The following CCN6 variants were observed in gnomAD, a reference collection of about 807,000 sequenced individuals.
CCN6 encodes CCN family member 6.
A neutral mutation model predicts 37.4 loss-of-function variants in CCN6; 31 were observed. The ratio of observed to expected loss-of-function variants is 0.83; its 90% CI spans 0.62 to 1.12. CCN6 has a LOEUF of 1.12. Among genes scored for constraint, CCN6 ranks in the 50% most tolerant of loss-of-function variants. The pLI is 0.00. For missense variants in CCN6, 369 were observed against 413.8 expected (o/e 0.89, Z 0.94); for synonymous variants, 137 against 142.1 (o/e 0.96, Z 0.26).
In CCN6 at chr6:112,069,548, G is replaced by T; in HGVS notation, c.993G>T (p.Trp331Cys). ...GGTCATTTAAATGGAAGATGCTGTGGATTACATCTTGTGTGTGTCAGAGAA... is the reference window on the plus strand; with the variant it reads ...GGTCATTTAAATGGAAGATGCTGTGTATTACATCTTGTGTGTGTCAGAGAA... ...NEGSFKWKMLWITSCVCQRNC... is the reference protein window; with the variant it reads ...NEGSFKWKMLCITSCVCQRNC... Residue 331 changes from tryptophan to cysteine, a missense_variant, in exon 5 of 5, where the codon TGG becomes TGT. Transcript: ENST00000368666. 6.2e-7 allele frequency: 1 copy of T among 1,613,658 alleles called. No individual in the cohort carries two copies. The highest frequency in any genetic ancestry group is 8.5e-7 in the Non-Finnish European group (1 of 1,179,764).
In CCN6 at chr6:112,054,226, A is replaced by C; in HGVS notation, c.-132A>C. On this transcript the variant is annotated 5_prime_UTR_variant, in exon 1 of 5. Coordinates refer to ENST00000368666, the MANE Select transcript of CCN6 (RefSeq NM_198239.2). The stretch of plus-strand genomic sequence containing the variant: ...GCAGGCTGAAAGTTGGTAGTGTGGG[A>C]GGTAGAGGGTGTGTGTTCTTGTGCA... 4 of 1,195,538 alleles carry C rather than the reference A, an allele frequency of 3.3e-6. No individual in the cohort carries two copies. In the Admixed American group the frequency reaches 5.0e-5, roughly 15 times the overall value. 74.1% of individuals were successfully genotyped at this position (1,195,538 alleles called of 1,614,324 possible). A position where few individuals can be genotyped will look rare whatever the true frequency, so the allele number is the denominator to read the frequency against.
Position 112,054,281 on chromosome 6 carries a change from G to C in CCN6, c.-77G>C. On this transcript the variant is annotated 5_prime_UTR_variant, in exon 1 of 5. Transcript: ENST00000368666. ...AGCGTGGGGTTTGCAGAGGAGACAGGGGAGCTTTGTGTACCCGGAGCAATG... is the reference window on the plus strand; with the variant it reads ...AGCGTGGGGTTTGCAGAGGAGACAGCGGAGCTTTGTGTACCCGGAGCAATG... 3 of 1,610,898 alleles carry C rather than the reference G, an allele frequency of 1.9e-6. No homozygotes were observed. Among genetic ancestry groups the C allele is most frequent in the Non-Finnish European group, 8.5e-7 (1 of 1,177,226 alleles).
intron 1 of CCN6, chr6:112,060,064 G>A: frequency 7.3e-7 from 1 of 1,365,870 alleles, no homozygotes; most frequent in Admixed American, 1.9e-5. Context: ...CAAGGACGCT[G>A]GTGTGGCTGG....
At chr6:112,059,747 T>C (rs1776454841) in intron 1 of CCN6, among the ~76,000 whole-genome samples, 1 of 152,214 alleles carries the variant, frequency 6.6e-6, no homozygotes, top group African/African-American at 2.4e-5. Context: ...GCTGTTGCTA[T>C]GAAGTTTGAT....
In CCN6 at chr6:112,069,578, C is replaced by CA. The variant is rs782592477; in HGVS notation, c.1024dup (p.Arg342LysfsTer9). 1.2e-6 allele frequency: 2 copies of CA among 1,613,600 alleles called. No individual in the cohort carries two copies. Among genetic ancestry groups the CA allele is most frequent in the Admixed American group, 3.3e-5 (2 of 59,972 alleles). On this transcript the variant is annotated frameshift_variant, in exon 5 of 5. Coordinates refer to ENST00000368666, the MANE Select transcript of CCN6 (RefSeq NM_198239.2). LOFTEE classifies it high-confidence loss of function. ...CATCTTGTGTGTGTCAGAGAAACTGCAGAGAACCTGGAGATATATTTTCTG... is the reference window on the plus strand; with the variant it reads ...CATCTTGTGTGTGTCAGAGAAACTGCAAGAGAACCTGGAGATATATTTTCTG...
At position 112,069,326 on chromosome 6, in the gene CCN6, T is replaced by C. The variant is rs1554314686; in HGVS notation, c.784-13T>C. The C allele has an allele frequency of 6.2e-7, 1 of 1,611,710 alleles. No homozygotes were observed. Among genetic ancestry groups the C allele is most frequent in the Non-Finnish European group, 8.5e-7 (1 of 1,179,326 alleles). ...AAATTTAAAGAATGACTTCATTTTA[T>C]CTATCTTTTCAGATTCCCAAAGGAA... On this transcript the variant is annotated splice_polypyrimidine_tract_variant and intron_variant, in intron 4 of 4. Coordinates refer to ENST00000368666, the MANE Select transcript of CCN6 (RefSeq NM_198239.2).
intron 3 of CCN6, among the ~76,000 whole-genome samples, 166 bp from the exon 4 acceptor site, chr6:112,068,039 G>C (rs587674501): frequency 2.0e-5 from 3 of 152,100 alleles, no homozygotes; most frequent in Non-Finnish European, 4.4e-5. Context: ...TTTGGGGTTG[G>C]GAAAGAGGGA....
intron 3 of CCN6, chr6:112,067,080 A>AC: frequency 7.6e-7 from 1 of 1,312,692 alleles, no homozygotes; most frequent in Non-Finnish European, 1.0e-6. Flanking sequence ...GTGCAATTGC[A>AC]AGAGACTCTA....
At chr6:112,067,847 T>G (rs782820330) in intron 3 of CCN6, among the ~76,000 whole-genome samples, 5 of 152,142 alleles carry the variant, frequency 3.3e-5, no homozygotes, top group Non-Finnish European at 7.4e-5. Flanking sequence ...CAATGTCTGT[T>G]AGAAATGATG....
upstream of CCN6, chr6:112,054,068 C>A (rs898813704): frequency 5.0e-6 from 3 of 594,398 alleles, no homozygotes; most frequent in Non-Finnish European, 9.2e-6. Flanking sequence ...ACTACTTGCC[C>A]TGCCCTCCTG....
intron 2 of CCN6, chr6:112,061,526 C>T: frequency 3.5e-6 from 2 of 564,532 alleles, no homozygotes; most frequent in Non-Finnish European, 6.3e-6. Flanking sequence ...CAGTTCTTCT[C>T]AGGTAATTGC....
chr6:112,064,881 C>G lies in CCN6; in HGVS notation c.473C>G (p.Pro158Arg). ...GAIGCTPLFI[P>R]KLAGSHCSGA... The stretch of plus-strand genomic sequence containing the variant: ...ATTGGATGCACACCTCTGTTCATAC[C>G]AAAGCTGGCTGGCAGTCACTGCTCT... Residue 158 changes from proline (P) to arginine (R), a missense_variant, in exon 3 of 5, where the codon CCA (proline) becomes CGA (arginine). Coordinates refer to ENST00000368666, the MANE Select transcript of CCN6 (RefSeq NM_198239.2). The G allele has an allele frequency of 6.2e-7, 1 of 1,614,062 alleles. No homozygotes were observed. The highest frequency in any genetic ancestry group is 8.5e-7 in the Non-Finnish European group (1 of 1,179,972).
chr6:112,061,964 A>T (rs1045125160), intron 2 of CCN6, among the ~76,000 whole-genome samples: 1 of 152,212 alleles, frequency 6.6e-6, no homozygotes, highest in East Asian at 1.9e-4. Flanking sequence ...GTCTGTAGAA[A>T]AGTCAAAGTA....
chr6:112,054,426 C>G, intron 1 of CCN6, 21 bp downstream of exon 1: 1 of 1,611,836 alleles, frequency 6.2e-7, no homozygotes, highest in South Asian at 1.1e-5. Context: ...TCCCCCGACT[C>G]TTTCCCTTCC....
chr6:112,058,663 C>T (rs1776419465), intron 1 of CCN6, among the ~76,000 whole-genome samples: 1 of 152,186 alleles, frequency 6.6e-6, no homozygotes, highest in African/African-American at 2.4e-5. Flanking sequence ...TGGGTCTGGG[C>T]AGAATGTCCC....
At chr6:112,067,959 A>G (rs1403070580) in intron 3 of CCN6, among the ~76,000 whole-genome samples, 1 of 152,134 alleles carries the variant, frequency 6.6e-6, no homozygotes, top group African/African-American at 2.4e-5. Context: ...AAATCTTCTC[A>G]GTTTTTCAAA....
At chr6:112,065,249 T>C (rs1554313705) in intron 3 of CCN6, among the ~76,000 whole-genome samples, 1 of 152,184 alleles carries the variant, frequency 6.6e-6, no homozygotes, top group African/African-American at 2.4e-5. Flanking sequence ...GTCAGGAAGC[T>C]CTACTAAAAT....
chr6:112,068,448 A>C (rs1554314553), intron 4 of CCN6, 50 bp downstream of exon 4: 3 of 1,512,874 alleles, frequency 2.0e-6, no homozygotes, highest in Non-Finnish European at 2.7e-6. Flanking sequence ...GATTCCTGAA[A>C]AGTAAGCATG....
chr6:112,065,630 A>ACACACGCACG (rs1562597803), intron 3 of CCN6, among the ~76,000 whole-genome samples: 4 of 148,852 alleles, frequency 2.7e-5, no homozygotes, highest in African/African-American at 1.0e-4. Flanking sequence ...ACGCACGCAC[A>ACACACGCACG]CACACACACA....
Sources: gnomAD v4.1 joint callset for allele counts (sites outside exome capture counted in the v4.1 genomes callset) on GRCh38, gnomAD v4.1.1 for gene constraint, MANE v1.5 for transcripts, NCBI Gene and HGNC (gene_info 2026-07-23, HGNC 2026-07-21) for gene names.